GRIK2: variants seen among roughly 807,000 people sequenced by gnomAD.
GRIK2 encodes glutamate ionotropic receptor kainate type subunit 2.
GRIK2 carries 32 observed loss-of-function variants against 100.3 expected under a neutral mutation model. The observed-to-expected ratio is 0.32, with a 90% CI of 0.24 to 0.43. The LOEUF is 0.43. GRIK2 is among the 20% of genes least tolerant of loss of function. The pLI is 1.00. For synonymous variants in GRIK2, 417 were observed against 389.4 expected (o/e 1.07, Z -0.83); for missense variants, 843 against 1,114.9 (o/e 0.76, Z 3.47).
At position 101,409,108 on chromosome 6, in the gene GRIK2, ATGTGTGTGTGTGTG is replaced by A. The variant is rs67806970; in HGVS notation, c.115+9748_115+9761del. Among the ~76,000 whole-genome samples, 1,156 of 138,530 alleles carry A rather than the reference ATGTGTGTGTGTGTG, an allele frequency of 8.3e-3. 16 individuals are homozygous for A. The highest frequency in any genetic ancestry group is 0.027 in the African/African-American group (1,004 of 37,550). 90.9% of individuals were successfully genotyped at this position (138,530 alleles called of 152,430 possible). On this transcript the variant is annotated intron_variant, in intron 2 of 16. Coordinates refer to ENST00000369134, the MANE Select transcript of GRIK2 (RefSeq NM_021956.5). ...ATTTCTATTACCTGAAACATTGTGTATGTGTGTGTGTGTGTGTGTGTGTGTGTGTGTGTGTGTGT... is the reference window on the plus strand; with the variant it reads ...ATTTCTATTACCTGAAACATTGTGTATGTGTGTGTGTGTGTGTGTGTGTGT...
intron 14 of GRIK2, among the ~76,000 whole-genome samples, chr6:101,968,486 GGTCA>G (rs1792838638): frequency 6.6e-6 from 1 of 151,934 alleles, no homozygotes. Flanking sequence ...GTCAATAGAA[GGTCA>G]GTCAAAGGAG....
intron 2 of GRIK2, among the ~76,000 whole-genome samples, chr6:101,463,382 A>G (rs1771445610): frequency 6.6e-6 from 1 of 152,208 alleles, no homozygotes; most frequent in Non-Finnish European, 1.5e-5. Flanking sequence ...GAAAAAAGTA[A>G]TTTTGGTTTT....
intron 12 of GRIK2, among the ~76,000 whole-genome samples, chr6:101,899,048 A>G (rs1408299378): frequency 3.3e-5 from 5 of 151,180 alleles, no homozygotes; most frequent in Admixed American, 3.3e-4. Context: ...TTTTCATATC[A>G]ATCCTGTTGG....
chr6:101,628,078 T>C (rs1227831938), intron 4 of GRIK2, among the ~76,000 whole-genome samples: 1 of 152,152 alleles, frequency 6.6e-6, no homozygotes, highest in Non-Finnish European at 1.5e-5. Context: ...CGCTATACTT[T>C]CATAATTACA....
intron 12 of GRIK2, among the ~76,000 whole-genome samples, chr6:101,900,003 G>C (rs1787734574): frequency 6.6e-6 from 1 of 151,970 alleles, no homozygotes; most frequent in Non-Finnish European, 1.5e-5. Flanking sequence ...ATTAAAAATA[G>C]AGAAAATTTT....
chr6:101,670,571 A>C (rs2128337712), intron 4 of GRIK2, among the ~76,000 whole-genome samples: 1 of 152,280 alleles, frequency 6.6e-6, no homozygotes, highest in South Asian at 2.1e-4. Flanking sequence ...TTATTTTCAG[A>C]AAATTTCTAT....
chr6:101,826,749 A>G (rs1025165229), intron 10 of GRIK2, among the ~76,000 whole-genome samples: 1 of 152,038 alleles, frequency 6.6e-6, no homozygotes, highest in Non-Finnish European at 1.5e-5. Context: ...GAAAGATAGT[A>G]ACAACCAACT....
At chr6:101,496,478 C>T (rs1035159989) in intron 2 of GRIK2, among the ~76,000 whole-genome samples, 24 of 152,236 alleles carry the variant, frequency 1.6e-4, no homozygotes, top group African/African-American at 5.5e-4. Context: ...AGAAACTATT[C>T]TGAACTGTCA....
At chr6:101,716,133 C>A (rs1414687382) in intron 7 of GRIK2, among the ~76,000 whole-genome samples, 1 of 151,698 alleles carries the variant, frequency 6.6e-6, no homozygotes, top group African/African-American at 2.4e-5. Context: ...TCATAAAATA[C>A]TGTGGAAATT....
At chr6:101,872,898 T>A (rs1198752673) in intron 11 of GRIK2, among the ~76,000 whole-genome samples, 1 of 151,916 alleles carries the variant, frequency 6.6e-6, no homozygotes, top group East Asian at 1.9e-4. Flanking sequence ...TGAGCCGAGC[T>A]TTATGAACTG....
intron 10 of GRIK2, among the ~76,000 whole-genome samples, chr6:101,831,942 G>C (rs1261687786): frequency 1.3e-5 from 2 of 152,004 alleles, no homozygotes; most frequent in Non-Finnish European, 2.9e-5. Context: ...CTAAAATATA[G>C]TTTAGATTAG....
At chr6:101,409,108 A>ATGTGTGTG (rs67806970) in intron 2 of GRIK2, among the ~76,000 whole-genome samples, 4 of 138,422 alleles carry the variant, frequency 2.9e-5, no homozygotes, top group East Asian at 2.1e-4. Flanking sequence ...AACATTGTGT[A>ATGTGTGTG]TGTGTGTGTG....
intron 7 of GRIK2, among the ~76,000 whole-genome samples, chr6:101,788,576 T>A (rs1320728875): frequency 6.6e-6 from 1 of 152,218 alleles, no homozygotes; most frequent in Non-Finnish European, 1.5e-5. Flanking sequence ...TTCCATGGTG[T>A]ATATGTGCCA....
intron 11 of GRIK2, among the ~76,000 whole-genome samples, chr6:101,886,537 T>C (rs1448841659): frequency 6.6e-6 from 1 of 151,958 alleles, no homozygotes; most frequent in Non-Finnish European, 1.5e-5. Flanking sequence ...ATTAATATAT[T>C]CCTATATTAC....
chr6:101,550,399 G>A (rs191409044), intron 2 of GRIK2, among the ~76,000 whole-genome samples: 131 of 152,210 alleles, frequency 8.6e-4, no homozygotes, highest in African/African-American at 3.0e-3. Context: ...CTTCACAGGT[G>A]CAAAAATGAA....
In GRIK2 at chr6:101,905,919, T is replaced by C. The variant is rs73761469; in HGVS notation, c.1748+16056T>C. Among the ~76,000 whole-genome samples the C allele has an allele frequency of 4.2e-3, 644 of 151,740 alleles. 7 individuals are homozygous for C. Among genetic ancestry groups the C allele is most frequent in the African/African-American group, 0.015 (612 of 41,506 alleles). ...TAGTACTACATGGGGAAATGATGAC[T>C]TTATGAATAAATATTCTGGATAATA... On this transcript the variant is annotated intron_variant, in intron 12 of 16. Coordinates refer to ENST00000369134, the MANE Select transcript of GRIK2 (RefSeq NM_021956.5).
intron 2 of GRIK2, among the ~76,000 whole-genome samples, chr6:101,620,761 A>T (rs1780115675): frequency 2.6e-5 from 4 of 152,176 alleles, no homozygotes. Flanking sequence ...CTAAGGACAG[A>T]GGTTGGAGGG....
intron 2 of GRIK2, among the ~76,000 whole-genome samples, chr6:101,512,107 A>T (rs1333415589): frequency 6.6e-6 from 1 of 151,564 alleles, no homozygotes; most frequent in African/African-American, 2.4e-5. Context: ...AAATATCTTT[A>T]AGGATACTGC....
At chr6:101,426,899 G>A (rs75696379) in intron 2 of GRIK2, among the ~76,000 whole-genome samples, 1,902 of 152,200 alleles carry the variant, frequency 0.012, 28 homozygotes, top group African/African-American at 0.04. Flanking sequence ...GGTCCTCTGT[G>A]CTCTAGACAA....
Sources: gnomAD v4.1 joint callset for allele counts (sites outside exome capture counted in the v4.1 genomes callset) on GRCh38, gnomAD v4.1.1 for gene constraint, MANE v1.5 for transcripts, NCBI Gene and HGNC (gene_info 2026-07-23, HGNC 2026-07-21) for gene names.